Variants in CAMK2D observed in about 807,000 individuals in gnomAD.
The protein encoded by CAMK2D is calcium/calmodulin dependent protein kinase II delta, also known as calcium/calmodulin-dependent protein kinase type II subunit delta.
In CAMK2D, 37 loss-of-function variants were observed where a neutral mutation model predicts 84.0. That is an observed-to-expected ratio of 0.44 (90% CI 0.34 to 0.58). CAMK2D has a LOEUF of 0.58. Among genes scored for constraint, CAMK2D ranks in the 20% least tolerant of loss-of-function variants. CAMK2D has a pLI of 0.02. For synonymous variants in CAMK2D, 202 were observed against 212.5 expected, an observed-to-expected ratio of 0.95 and a Z score of 0.43; for missense variants, 448 against 652.5, an observed-to-expected ratio of 0.69 and a Z score of 3.41.
At chr4:113,505,933 A>G (rs1192066405) in intron 13 of CAMK2D, among the ~76,000 whole-genome samples, 5 of 152,126 alleles carry the variant, frequency 3.3e-5, no homozygotes, top group Non-Finnish European at 7.4e-5. Flanking sequence ...GAAAAATAAT[A>G]ATCAATCAAC....
At chr4:113,579,783 C>G (rs1409028151) in intron 4 of CAMK2D, among the ~76,000 whole-genome samples, 3 of 152,156 alleles carry the variant, frequency 2.0e-5, no homozygotes, top group Non-Finnish European at 4.4e-5. Flanking sequence ...ACAGACTAAC[C>G]CAGCATGCTT....
intron 3 of CAMK2D, among the ~76,000 whole-genome samples, chr4:113,633,808 T>C (rs1175333468): frequency 6.6e-6 from 1 of 151,012 alleles, no homozygotes; most frequent in African/African-American, 2.5e-5. Context: ...CATAATATAA[T>C]GTGCTAGCTG....
chr4:113,709,702 G>A (rs981893471), intron 2 of CAMK2D, among the ~76,000 whole-genome samples: 1 of 131,388 alleles, frequency 7.6e-6, no homozygotes, highest in Non-Finnish European at 1.6e-5. Flanking sequence ...CTTTCAAGGA[G>A]GCTTTCATAT....
At chr4:113,614,357 T>C (rs1292154746) in intron 3 of CAMK2D, among the ~76,000 whole-genome samples, 1 of 152,158 alleles carries the variant, frequency 6.6e-6, no homozygotes, top group Non-Finnish European at 1.5e-5. Context: ...GTGGACTATG[T>C]CTATCATTAT....
intron 4 of CAMK2D, among the ~76,000 whole-genome samples, chr4:113,594,793 T>C (rs1382945026): frequency 6.6e-6 from 1 of 152,172 alleles, no homozygotes; most frequent in South Asian, 2.1e-4. Flanking sequence ...ACAACTTAGA[T>C]TGTGGGACGA....
At chr4:113,732,124 T>A (rs2099570486) in intron 2 of CAMK2D, among the ~76,000 whole-genome samples, 1 of 144,624 alleles carries the variant, frequency 6.9e-6, no homozygotes, top group African/African-American at 2.5e-5. Flanking sequence ...GCACTCCTTC[T>A]TTTTTTTTTT....
chr4:113,683,111 C>A (rs1194552625), intron 2 of CAMK2D, among the ~76,000 whole-genome samples: 1 of 152,128 alleles, frequency 6.6e-6, no homozygotes, highest in African/African-American at 2.4e-5. Flanking sequence ...ATCTAAGGAG[C>A]AAAATATTTT....
At chr4:113,570,470 A>G (rs565632873) in intron 4 of CAMK2D, among the ~76,000 whole-genome samples, 1 of 152,300 alleles carries the variant, frequency 6.6e-6, no homozygotes, top group Non-Finnish European at 1.5e-5. Context: ...ATAGAAGAGA[A>G]CTGAGAGCCT....
In CAMK2D at chr4:113,668,804, TTGTC is replaced by T. The variant is rs532612505; in HGVS notation, c.161-7036_161-7033del. On this transcript the variant is annotated intron_variant, in intron 2 of 20. Transcript: ENST00000511664. ...AAAATAATATAGAAAAAACTATTAT[TTGTC>T]TGAGTGTAAAATTTGTAAATAAATA... Among the ~76,000 whole-genome samples the T allele has an allele frequency of 4.0e-4, 61 of 152,276 alleles. No individual in the cohort carries two copies. The East Asian group carries it at 6.2e-3, about 15-fold the overall frequency.
chr4:113,661,964 C>T (rs1194591226), intron 2 of CAMK2D, among the ~76,000 whole-genome samples, 192 bp from the exon 3 acceptor site: 1 of 152,134 alleles, frequency 6.6e-6, no homozygotes, highest in African/African-American at 2.4e-5. Flanking sequence ...TTTTCACTGA[C>T]TTGATGCTTG....
At chr4:113,678,063 G>T (rs998317228) in intron 2 of CAMK2D, among the ~76,000 whole-genome samples, 1 of 152,134 alleles carries the variant, frequency 6.6e-6, no homozygotes, top group Non-Finnish European at 1.5e-5. Context: ...GTTCTGGTCA[G>T]CTGAAAATCA....
intron 4 of CAMK2D, among the ~76,000 whole-genome samples, chr4:113,586,001 C>G (rs1235003270): frequency 6.6e-6 from 1 of 152,086 alleles, no homozygotes; most frequent in Non-Finnish European, 1.5e-5. Flanking sequence ...CTGGCTGCCT[C>G]TTCTTTCTGT....
At chr4:113,760,651 T>A (rs563482923) in intron 1 of CAMK2D, among the ~76,000 whole-genome samples, 17 of 152,194 alleles carry the variant, frequency 1.1e-4, no homozygotes, top group African/African-American at 4.1e-4. Flanking sequence ...GGGTTCTAAT[T>A]TCCTCTCCAA....
chr4:113,659,230 CAAA>C (rs1017322444), intron 3 of CAMK2D, among the ~76,000 whole-genome samples: 4 of 152,116 alleles, frequency 2.6e-5, no homozygotes, highest in African/African-American at 9.7e-5. Context: ...CCAAAACAAA[CAAA>C]TAACAACTTT....
At chr4:113,492,271 T>C (rs1228737494) in intron 16 of CAMK2D, among the ~76,000 whole-genome samples, 1 of 152,148 alleles carries the variant, frequency 6.6e-6, no homozygotes, top group African/African-American at 2.4e-5. Flanking sequence ...TTTCTCTTTT[T>C]GGCATTTAGT....
intron 2 of CAMK2D, among the ~76,000 whole-genome samples, chr4:113,692,651 T>G (rs1370176152): frequency 2.0e-5 from 3 of 151,076 alleles, no homozygotes; most frequent in Admixed American, 1.3e-4. Flanking sequence ...CATATTCATA[T>G]ATACATACAT....
At chr4:113,535,085 A>G (rs1389559258) in intron 7 of CAMK2D, among the ~76,000 whole-genome samples, 1 of 152,198 alleles carries the variant, frequency 6.6e-6, no homozygotes. Context: ...CAGACCTGAT[A>G]ACAAAGGCTT....
chr4:113,520,441 A>G (rs967351847), intron 8 of CAMK2D, among the ~76,000 whole-genome samples: 4 of 152,054 alleles, frequency 2.6e-5, no homozygotes, highest in African/African-American at 4.8e-5. Flanking sequence ...AAAATAAAAT[A>G]AAAGTGTTTG....
At chr4:113,614,025 T>C (rs2099011719) in intron 3 of CAMK2D, among the ~76,000 whole-genome samples, 1 of 152,120 alleles carries the variant, frequency 6.6e-6, no homozygotes, top group Non-Finnish European at 1.5e-5. Flanking sequence ...TGATGACACA[T>C]GTTAGAAACA....
Sources: allele counts gnomAD v4.1 joint callset (sites outside exome capture counted in the v4.1 genomes callset), GRCh38; gene constraint gnomAD v4.1.1; transcripts MANE v1.5; gene names NCBI Gene and HGNC (gene_info 2026-07-23, HGNC 2026-07-21).